The following RBFOX1 variants were observed in gnomAD, a reference collection of about 807,000 sequenced individuals.
RBFOX1 encodes RNA binding protein fox-1 homolog 1.
RBFOX1 carries 8 observed loss-of-function variants against 57.7 expected under a neutral mutation model. That is an observed-to-expected ratio of 0.14 (90% CI 0.08 to 0.25). The LOEUF (loss-of-function observed/expected upper bound fraction) is 0.25, where lower values mean the gene tolerates loss of function less well. Ranked by LOEUF, RBFOX1 falls within the 10% of genes least tolerant of loss-of-function variation. The pLI is 1.00. For synonymous variants in RBFOX1, 326 were observed against 222.4 expected (o/e 1.47, Z -4.15); for missense variants, 611 against 548.5 (o/e 1.11, Z -1.14).
chr16:6,744,554 C>G (rs955084684), intron 3 of RBFOX1, among the ~76,000 whole-genome samples: 1 of 151,872 alleles, frequency 6.6e-6, no homozygotes, highest in Non-Finnish European at 1.5e-5. Context: ...ATGAAAATCT[C>G]CAAACACTTG....
chr16:7,616,802 G>A (rs139720650), intron 10 of RBFOX1, among the ~76,000 whole-genome samples: 3 of 152,154 alleles, frequency 2.0e-5, no homozygotes, highest in East Asian at 1.9e-4. Context: ...AAAGTGCTGG[G>A]ATTACAAGTA....
intron 3 of RBFOX1, among the ~76,000 whole-genome samples, chr16:7,026,453 T>C (rs1040456224): frequency 1.3e-5 from 2 of 152,170 alleles, no homozygotes; most frequent in Non-Finnish European, 1.5e-5. Flanking sequence ...AGACTCTTTT[T>C]TTCTTCTTCT....
At chr16:6,300,962 A>C (rs2078751831) in intron 1 of RBFOX1, among the ~76,000 whole-genome samples, 1 of 152,200 alleles carries the variant, frequency 6.6e-6, no homozygotes, top group African/African-American at 2.4e-5. Flanking sequence ...GTTTTCACAA[A>C]GTGGGAACTC....
chr16:7,349,672 G>A (rs1020828447), intron 4 of RBFOX1, among the ~76,000 whole-genome samples: 5 of 152,104 alleles, frequency 3.3e-5, no homozygotes, highest in Non-Finnish European at 5.9e-5. Flanking sequence ...AAGACGGATG[G>A]CTGTGGCTTG....
intron 4 of RBFOX1, among the ~76,000 whole-genome samples, chr16:7,259,887 G>T (rs1184864834): frequency 2.6e-5 from 4 of 152,042 alleles, no homozygotes; most frequent in African/African-American, 9.7e-5. Flanking sequence ...TATATTGTAG[G>T]CCCTTGGTAA....
rs78367422 is a variant in RBFOX1, at chr16:6,663,428, C to T, written c.-16+8778C>T. ...CCAGCAGGATTTGTTTCTATTAGTG[C>T]CAGTCTCTTGCCCCTGGGAGTAGGA... On this transcript the variant is annotated intron_variant, in intron 3 of 15. Coordinates refer to ENST00000550418, the MANE Select transcript of RBFOX1 (RefSeq NM_018723.4). Among the ~76,000 whole-genome samples the T allele has an allele frequency of 2.5e-3, 386 of 152,222 alleles. 1 individual carries two copies. The highest frequency in any genetic ancestry group is 8.5e-3 in the African/African-American group (351 of 41,516).
At chr16:5,875,947 C>T (rs2057598725) in intron 4 of RBFOX1, among the ~76,000 whole-genome samples, 1 of 151,580 alleles carries the variant, frequency 6.6e-6, no homozygotes, top group South Asian at 2.1e-4. Flanking sequence ...AGCTTCATGT[C>T]ATTCTCCTGC....
intron 3 of RBFOX1, among the ~76,000 whole-genome samples, chr16:6,912,087 C>G (rs1567843619): frequency 2.0e-5 from 3 of 152,136 alleles, no homozygotes; most frequent in African/African-American, 7.2e-5. Context: ...TATGCTGTTG[C>G]TTTTTTTAGC....
At chr16:7,415,784 GA>G (rs2098472256) in intron 4 of RBFOX1, among the ~76,000 whole-genome samples, 1 of 112,986 alleles carries the variant, frequency 8.9e-6, no homozygotes, top group African/African-American at 7.9e-5. Flanking sequence ...AAGAAAATAA[GA>G]GTATATATAT....
At chr16:7,376,949 G>A (rs938572956) in intron 4 of RBFOX1, among the ~76,000 whole-genome samples, 1 of 152,078 alleles carries the variant, frequency 6.6e-6, no homozygotes, top group Non-Finnish European at 1.5e-5. Flanking sequence ...TCATACAAGA[G>A]GTAAACATAG....
chr16:6,848,693 G>C (rs2093899195), intron 3 of RBFOX1, among the ~76,000 whole-genome samples: 1 of 152,118 alleles, frequency 6.6e-6, no homozygotes, highest in Non-Finnish European at 1.5e-5. Context: ...TGGGCAGATG[G>C]ATGGAATGAG....
At chr16:5,973,123 T>C (rs1430430548) in intron 4 of RBFOX1, among the ~76,000 whole-genome samples, 1 of 152,154 alleles carries the variant, frequency 6.6e-6, no homozygotes, top group African/African-American at 2.4e-5. Flanking sequence ...AAAATAATAT[T>C]CTATTCTACC....
intron 4 of RBFOX1, among the ~76,000 whole-genome samples, chr16:7,226,588 G>A (rs1478332704): frequency 6.6e-6 from 1 of 152,172 alleles, no homozygotes; most frequent in Non-Finnish European, 1.5e-5. Context: ...ACATCTGGGG[G>A]TTCTTTCCTG....
intron 4 of RBFOX1, among the ~76,000 whole-genome samples, chr16:6,010,732 C>A (rs553985985): frequency 6.6e-6 from 1 of 152,176 alleles, no homozygotes; most frequent in African/African-American, 2.4e-5. Context: ...AATTCCCAAA[C>A]GGTATCCGTT....
At chr16:6,292,347 T>C (rs2077559042) in intron 1 of RBFOX1, among the ~76,000 whole-genome samples, 1 of 151,840 alleles carries the variant, frequency 6.6e-6, no homozygotes, top group South Asian at 2.1e-4. Flanking sequence ...TGGCTTCTCA[T>C]TGGTGGAAAC....
chr16:7,640,258 A>C (rs1452796428), intron 11 of RBFOX1, among the ~76,000 whole-genome samples: 1 of 152,258 alleles, frequency 6.6e-6, no homozygotes, highest in Non-Finnish European at 1.5e-5. Flanking sequence ...AACCACTAGT[A>C]GAACCTCTCA....
intron 2 of RBFOX1, among the ~76,000 whole-genome samples, chr16:5,581,428 GT>G (rs1167222106): frequency 6.6e-6 from 1 of 152,238 alleles, no homozygotes; most frequent in African/African-American, 2.4e-5. Flanking sequence ...GGAGAATCCA[GT>G]GGCAACCTTG....
At chr16:5,573,529 T>TGTACCAGAAA in intron 2 of RBFOX1, among the ~76,000 whole-genome samples, 1 of 152,120 alleles carries the variant, frequency 6.6e-6, no homozygotes, top group Non-Finnish European at 1.5e-5. Context: ...CTTTGAGAGG[T>TGTACCAGAAA]TCAGCTCCAC....
intron 3 of RBFOX1, among the ~76,000 whole-genome samples, chr16:6,697,160 C>A (rs566923656): frequency 6.6e-6 from 1 of 152,118 alleles, no homozygotes; most frequent in Non-Finnish European, 1.5e-5. Context: ...GAAATAGGGC[C>A]TCTACCTTGG....
Sources: allele counts gnomAD v4.1 joint callset (sites outside exome capture counted in the v4.1 genomes callset), GRCh38; gene constraint gnomAD v4.1.1; transcripts MANE v1.5; gene names NCBI Gene and HGNC (gene_info 2026-07-23, HGNC 2026-07-21).